TMEM100: variants seen among roughly 807,000 people sequenced by gnomAD.
TMEM100 encodes the protein transmembrane protein 100.
For missense variants in TMEM100, 137 were observed against 168.2 expected (o/e 0.81, Z 1.02); for synonymous variants, 61 against 67.1 (o/e 0.91, Z 0.44).
At chr17:55,722,289 G>A (rs1451181568) in intron 1 of TMEM100, among the ~76,000 whole-genome samples, 1 of 152,190 alleles carries the variant, frequency 6.6e-6, no homozygotes, top group Non-Finnish European at 1.5e-5. Flanking sequence ...AAAGATACTT[G>A]AGACCATTTC....
In TMEM100 at chr17:55,720,897, GA is replaced by G. The variant is rs1444733896; in HGVS notation, c.173del (p.Ile58ThrfsTer43). 6.2e-7 allele frequency: 1 copy of G among 1,614,112 alleles called. No individual in the cohort carries two copies. Among genetic ancestry groups the G allele is most frequent in the African/African-American group, 1.3e-5 (1 of 74,938 alleles). On this transcript the variant is annotated frameshift_variant, in exon 2 of 2. Transcript: ENST00000424486. LOFTEE classifies it high-confidence loss of function. ...GTELSCYRCI[I>X]PFAVVVFIAG... The stretch of plus-strand genomic sequence containing the variant: ...CGATGAAGACAACCACAGCAAAGGG[GA>G]TGATGCAGCGGTAGCAGGAGAGCTC...
chr17:55,729,367 A>C (rs1214835852), intron 1 of TMEM100, among the ~76,000 whole-genome samples: 1 of 152,240 alleles, frequency 6.6e-6, no homozygotes, highest in Non-Finnish European at 1.5e-5. Context: ...GTAAGGTTTT[A>C]AACTAAGTAA....
At chr17:55,728,116 G>A (rs1039831189) in intron 1 of TMEM100, 4 of 152,152 alleles carry the variant, frequency 2.6e-5, no homozygotes, top group Non-Finnish European at 5.9e-5. Flanking sequence ...AAGAGGAAAG[G>A]GACACATTAA....
At chr17:55,727,812 G>A (rs1283759113), upstream of TMEM100, 1 of 152,210 alleles carries the variant, frequency 6.6e-6, no homozygotes, top group African/African-American at 2.4e-5. Flanking sequence ...GACCAGATTA[G>A]CCTTGTCTCA....
chr17:55,725,299 CT>C (rs1909033565), upstream of TMEM100, among the ~76,000 whole-genome samples: 1 of 152,124 alleles, frequency 6.6e-6, no homozygotes, highest in South Asian at 2.1e-4. Flanking sequence ...TCTGCGAGCC[CT>C]CTATTTTCAC....
upstream of TMEM100, among the ~76,000 whole-genome samples, chr17:55,725,701 A>ATGTGTGTGTGTGTGTGTGTG (rs57564459): frequency 3.6e-5 from 5 of 139,590 alleles, 1 homozygote; most frequent in East Asian, 8.6e-4. Flanking sequence ...ACCCATATAT[A>ATGTGTGTGTGTGTGTGTGTG]TGTGTGTGTG....
upstream of TMEM100, among the ~76,000 whole-genome samples, chr17:55,725,410 A>T (rs1909037254): frequency 6.6e-6 from 1 of 152,154 alleles, no homozygotes; most frequent in African/African-American, 2.4e-5. Context: ...TGCATGAATT[A>T]TATCTATGCC....
chr17:55,723,783 G>C (rs925463648), upstream of TMEM100, among the ~76,000 whole-genome samples: 1 of 152,046 alleles, frequency 6.6e-6, no homozygotes, highest in African/African-American at 2.4e-5. Context: ...TCTGTTCCTT[G>C]GCCCACTTTA....
intron 1 of TMEM100, among the ~76,000 whole-genome samples, chr17:55,731,271 C>T (rs1224673583): frequency 1.3e-5 from 2 of 152,168 alleles, no homozygotes; most frequent in Admixed American, 6.6e-5. Context: ...GCTAATAGGG[C>T]TTGATCATCC....
upstream of TMEM100, among the ~76,000 whole-genome samples, chr17:55,726,857 C>T (rs1222455508): frequency 6.6e-6 from 1 of 151,916 alleles, no homozygotes; most frequent in Non-Finnish European, 1.5e-5. Context: ...CTTTTTTTCT[C>T]CTCCAAAACA....
chr17:55,720,547 A>G lies in TMEM100; in HGVS notation c.*119T>C, dbSNP rs3803827. On this transcript the variant is annotated 3_prime_UTR_variant, in exon 2 of 2. Coordinates refer to ENST00000424486, the MANE Select transcript of TMEM100 (RefSeq NM_018286.3). ...GAAGCCCCTCCACCCTCCCACCCCC[A>G]TTCTTCCAGTCTGCTCCAACGCCAA... The G allele has an allele frequency of 1.6e-4, 89 of 547,824 alleles. No homozygotes were observed. In the East Asian group the frequency reaches 3.0e-3, roughly 18 times the overall value. The allele number at this position is 547,824 out of a possible 1,614,324, so 33.9% of individuals were successfully genotyped here.
At chr17:55,732,068 G>A (rs563015424) in exon 1 of TMEM100, 1 of 152,446 alleles carries the variant, frequency 6.6e-6, no homozygotes, top group South Asian at 2.1e-4. Context: ...ATGTACCGCG[G>A]GACCAACAAG....
upstream of TMEM100, among the ~76,000 whole-genome samples, chr17:55,723,867 T>G (rs1908989012): frequency 1.3e-5 from 2 of 152,240 alleles, no homozygotes. Context: ...GTTAAACATC[T>G]ATTTCCCACC....
chr17:55,720,338 A>T lies in TMEM100; in HGVS notation c.*328T>A, dbSNP rs112164354. ...GGCAAATGTCTAGTGTGCCAGGCCTATCTTGATTTTTCTCATCTTTTCTTG... is the reference window on the plus strand; with the variant it reads ...GGCAAATGTCTAGTGTGCCAGGCCTTTCTTGATTTTTCTCATCTTTTCTTG... On this transcript the variant is annotated 3_prime_UTR_variant, in exon 2 of 2. Transcript: ENST00000424486. 134 of 255,284 alleles carry T rather than the reference A, an allele frequency of 5.2e-4. No individual in the cohort carries two copies. The highest frequency in any genetic ancestry group is 8.3e-4 in the Non-Finnish European group (111 of 133,476). The allele number at this position is 255,284 out of a possible 1,614,324, so 15.8% of individuals were successfully genotyped here.
chr17:55,721,138 G>A lies in TMEM100; in HGVS notation c.-65-3C>T. On this transcript the variant is annotated splice_region_variant and splice_polypyrimidine_tract_variant and intron_variant, in intron 1 of 1. Coordinates refer to ENST00000424486, the MANE Select transcript of TMEM100 (RefSeq NM_018286.3). The stretch of plus-strand genomic sequence containing the variant: ...GGACAGTCTCACCAGGGTGAAAGCT[G>A]TGAAGATAACAGGAGATGTCAGCTA... The A allele has an allele frequency of 6.6e-7, 1 of 1,516,038 alleles. No individual in the cohort carries two copies. The highest frequency in any genetic ancestry group is 8.8e-7 in the Non-Finnish European group (1 of 1,130,070). The allele number at this position is 1,516,038 out of a possible 1,614,324, so 93.9% of individuals were successfully genotyped here. A position where few individuals can be genotyped will look rare whatever the true frequency, so the allele number is the denominator to read the frequency against.
chr17:55,729,144 T>C (rs1281780535), intron 1 of TMEM100, among the ~76,000 whole-genome samples: 3 of 152,210 alleles, frequency 2.0e-5, no homozygotes, highest in Non-Finnish European at 4.4e-5. Context: ...CCTGACTTTA[T>C]AGAGTGTTGG....
exon 1 of TMEM100, chr17:55,731,704 A>T (rs924809266): frequency 6.6e-6 from 1 of 152,204 alleles, no homozygotes; most frequent in Non-Finnish European, 1.5e-5. Context: ...TTTCCATGTG[A>T]AGAGAGTCAC....
chr17:55,720,568 G>C lies in TMEM100; in HGVS notation c.*98C>G. On this transcript the variant is annotated 3_prime_UTR_variant, in exon 2 of 2. Transcript: ENST00000424486. ...CCCCATTCTTCCAGTCTGCTCCAACGCCAAGTCTGTTCTCTCCCACCATGG... is the reference window on the plus strand; with the variant it reads ...CCCCATTCTTCCAGTCTGCTCCAACCCCAAGTCTGTTCTCTCCCACCATGG... The C allele has an allele frequency of 1.4e-5, 13 of 928,826 alleles. No homozygotes were observed. The highest frequency in any genetic ancestry group is 3.1e-5 in the South Asian group (2 of 63,742). 57.5% of individuals were successfully genotyped at this position (928,826 alleles called of 1,614,324 possible).
chr17:55,725,703 G>A (rs1393610048), upstream of TMEM100, among the ~76,000 whole-genome samples: 20 of 72,788 alleles, frequency 2.7e-4, no homozygotes, highest in African/African-American at 1.3e-3. Context: ...CCATATATAT[G>A]TGTGTGTGTG....
Sources: allele counts gnomAD v4.1 joint callset (sites outside exome capture counted in the v4.1 genomes callset), GRCh38; gene constraint gnomAD v4.1.1; transcripts MANE v1.5; gene names NCBI Gene and HGNC (gene_info 2026-07-23, HGNC 2026-07-21).